Variants in TMEM132C observed in about 807,000 individuals in gnomAD.
TMEM132C encodes transmembrane protein 132C.
Under a neutral mutation model 61.4 loss-of-function variants are expected in TMEM132C, and 29 were observed. That is an observed-to-expected ratio of 0.47 (90% CI 0.35 to 0.64). The LOEUF is 0.64. Ranked by LOEUF, TMEM132C falls within the 30% of genes least tolerant of loss-of-function variation. The pLI, the probability that TMEM132C is intolerant of heterozygous loss-of-function variation, is 0.00. For synonymous variants in TMEM132C, 656 were observed against 633.1 expected (o/e 1.04, Z -0.54); for missense variants, 1,408 against 1,476.9 (o/e 0.95, Z 0.76).
chr12:128,436,729 A>G (rs1023757430), intron 2 of TMEM132C, among the ~76,000 whole-genome samples: 3 of 152,228 alleles, frequency 2.0e-5, no homozygotes, highest in Non-Finnish European at 4.4e-5. Flanking sequence ...ATTGTGGTAG[A>G]CAGTGTGGCG....
At chr12:128,365,510 G>A (rs747289720) in intron 1 of TMEM132C, among the ~76,000 whole-genome samples, 2 of 152,100 alleles carry the variant, frequency 1.3e-5, no homozygotes, top group Non-Finnish European at 2.9e-5. Context: ...CTTTACTAAT[G>A]TAAGAATTGT....
chr12:128,638,351 A>C (rs535664598), intron 4 of TMEM132C, among the ~76,000 whole-genome samples: 1 of 152,288 alleles, frequency 6.6e-6, no homozygotes, highest in South Asian at 2.1e-4. Context: ...TCAGAGTAAA[A>C]ACTAGCAAGA....
chr12:128,574,622 C>T (rs542262941), intron 3 of TMEM132C, among the ~76,000 whole-genome samples: 3 of 152,282 alleles, frequency 2.0e-5, no homozygotes, highest in East Asian at 1.9e-4. Context: ...GGAGGGCAGG[C>T]GAGAGACTTC....
intron 1 of TMEM132C, among the ~76,000 whole-genome samples, chr12:128,323,428 A>G (rs1872400183): frequency 6.6e-6 from 1 of 152,230 alleles, no homozygotes; most frequent in Non-Finnish European, 1.5e-5. Context: ...AATATTCACA[A>G]ATTACAGGCC....
chr12:128,542,010 TG>T (rs1171938930), intron 2 of TMEM132C, among the ~76,000 whole-genome samples: 3 of 152,228 alleles, frequency 2.0e-5, no homozygotes, highest in African/African-American at 7.2e-5. Context: ...TGGCATCACC[TG>T]GGCATAAAAA....
rs111741288 is a variant in TMEM132C at position 128,435,902 on chromosome 12, A to G, written c.974+20282A>G. On this transcript the variant is annotated intron_variant, in intron 2 of 8. Coordinates refer to ENST00000435159, the MANE Select transcript of TMEM132C (RefSeq NM_001136103.3). ...AAGCTACCTGACTTCAAACTATACTACAAGGCTACAGTAACCAAAACAGCA... is the reference window on the plus strand; with the variant it reads ...AAGCTACCTGACTTCAAACTATACTGCAAGGCTACAGTAACCAAAACAGCA... Among the ~76,000 whole-genome samples the G allele has an allele frequency of 2.7e-3, 415 of 152,350 alleles. 6 individuals are homozygous for G. Among genetic ancestry groups the G allele is most frequent in the African/African-American group, 9.4e-3 (391 of 41,588 alleles).
rs149848926 is a variant in TMEM132C, at chr12:128,618,714, G to T, written c.1305+2379G>T. ...TTGGCTCTCATTCTCTCTTCCCGTC[G>T]CCATGTAAGACATGCTTTTTGCCTT... On this transcript the variant is annotated intron_variant, in intron 4 of 8. Coordinates refer to ENST00000435159, the MANE Select transcript of TMEM132C (RefSeq NM_001136103.3). 3.6e-3 allele frequency among the ~76,000 whole-genome samples: 542 copies of T among 152,190 alleles called. 4 individuals carry two copies. Among genetic ancestry groups the T allele is most frequent in the Non-Finnish European group, 5.7e-3 (385 of 67,998 alleles).
intron 2 of TMEM132C, among the ~76,000 whole-genome samples, chr12:128,532,171 G>A (rs888310049): frequency 6.6e-6 from 1 of 152,138 alleles, no homozygotes; most frequent in African/African-American, 2.4e-5. Context: ...TCATGAACAC[G>A]CAGTTTTTAT....
intron 1 of TMEM132C, chr12:128,293,996 T>A (rs764216093): frequency 3.9e-5 from 6 of 154,664 alleles, no homozygotes; most frequent in Non-Finnish European, 7.3e-5. Context: ...CGAAGGGGAA[T>A]CAGGTGGTTG....
At chr12:128,384,767 G>T (rs187156040) in intron 1 of TMEM132C, among the ~76,000 whole-genome samples, 19 of 152,290 alleles carry the variant, frequency 1.2e-4, no homozygotes, top group Admixed American at 1.2e-3. Flanking sequence ...GGCACTAAAG[G>T]CTGGCTTAGT....
chr12:128,513,525 GC>G (rs1367404436), intron 2 of TMEM132C, among the ~76,000 whole-genome samples: 1 of 152,156 alleles, frequency 6.6e-6, no homozygotes, highest in Non-Finnish European at 1.5e-5. Flanking sequence ...TAGCCATGGG[GC>G]CCTCCCATCT....
intron 1 of TMEM132C, among the ~76,000 whole-genome samples, chr12:128,377,792 G>A (rs1425172670): frequency 2.0e-5 from 3 of 152,200 alleles, no homozygotes; most frequent in African/African-American, 7.2e-5. Flanking sequence ...ATTTGGGTTG[G>A]TGAATAGTCG....
chr12:128,394,194 A>G (rs1175362506), intron 1 of TMEM132C, among the ~76,000 whole-genome samples: 1 of 152,122 alleles, frequency 6.6e-6, no homozygotes, highest in Non-Finnish European at 1.5e-5. Context: ...GAGACTTACT[A>G]CCATGAGAAC....
At position 128,590,845 on chromosome 12, in the gene TMEM132C, C is replaced by T. The variant is rs562960280; in HGVS notation, c.1122-25307C>T. ...AGGCTGGAGTACAGTGGCACCATCA[C>T]AGCTCATTGCAGCCCTGAATTCCTG... On this transcript the variant is annotated intron_variant, in intron 3 of 8. Transcript: ENST00000435159. Among the ~76,000 whole-genome samples, 24 of 152,322 alleles carry T rather than the reference C, an allele frequency of 1.6e-4. No homozygotes were observed. In the East Asian group the frequency reaches 4.1e-3, roughly 26 times the overall value.
intron 2 of TMEM132C, among the ~76,000 whole-genome samples, chr12:128,519,455 A>G (rs942365037): frequency 1.3e-5 from 2 of 152,222 alleles, no homozygotes; most frequent in African/African-American, 4.8e-5. Context: ...TTGTCCCTTC[A>G]AAGTCTTAAG....
At chr12:128,558,024 G>A (rs1373940543) in intron 3 of TMEM132C, among the ~76,000 whole-genome samples, 1 of 152,178 alleles carries the variant, frequency 6.6e-6, no homozygotes, top group Admixed American at 6.5e-5. Flanking sequence ...CAGTCTCCTT[G>A]GCTCTTACAT....
intron 1 of TMEM132C, among the ~76,000 whole-genome samples, chr12:128,385,828 C>T (rs1874561189): frequency 6.6e-6 from 1 of 152,222 alleles, no homozygotes. Flanking sequence ...CTCTGATTTG[C>T]CGCAGCCGCA....
At chr12:128,457,525 G>T (rs1405700011) in intron 2 of TMEM132C, among the ~76,000 whole-genome samples, 1 of 150,200 alleles carries the variant, frequency 6.7e-6, no homozygotes, top group African/African-American at 2.5e-5. Flanking sequence ...GCAGTGAGCC[G>T]AGATCGCGCC....
chr12:128,525,931 A>G (rs1379785), intron 2 of TMEM132C, among the ~76,000 whole-genome samples: 143,727 of 152,190 alleles, frequency 0.94, 68,336 homozygotes, highest in East Asian at 1. Context: ...TCACAATCCC[A>G]GATGGCAGAC....
Sources: gnomAD v4.1 joint callset for allele counts (sites outside exome capture counted in the v4.1 genomes callset) on GRCh38, gnomAD v4.1.1 for gene constraint, MANE v1.5 for transcripts, NCBI Gene and HGNC (gene_info 2026-07-23, HGNC 2026-07-21) for gene names.